CFAP299: variants seen among roughly 807,000 people sequenced by gnomAD.
CFAP299 encodes the protein cilia- and flagella-associated protein 299.
A neutral mutation model predicts 27.0 loss-of-function variants in CFAP299; 21 were observed. The observed-to-expected ratio is 0.78, with a 90% confidence interval of 0.55 to 1.12. The LOEUF (loss-of-function observed/expected upper bound fraction) is 1.12. CFAP299 is among the 50% of genes most tolerant of loss of function. The pLI is 0.00. For synonymous variants in CFAP299, 104 were observed against 98.1 expected (o/e 1.06, Z -0.36); for missense variants, 310 against 276.6 (o/e 1.12, Z -0.86).
intron 2 of CFAP299, among the ~76,000 whole-genome samples, chr4:80,501,408 AT>A (rs1424466530): frequency 6.8e-6 from 1 of 148,124 alleles, no homozygotes; most frequent in East Asian, 1.9e-4. Context: ...TAAATATGTA[AT>A]TTCATATAAC....
At chr4:80,411,031 GTAT>G (rs2110060750) in intron 2 of CFAP299, among the ~76,000 whole-genome samples, 1 of 152,242 alleles carries the variant, frequency 6.6e-6, no homozygotes, top group South Asian at 2.1e-4. Flanking sequence ...ATTCGGTAAT[GTAT>G]TATACGTGTC....
At chr4:80,856,183 T>C (rs1321065070) in intron 3 of CFAP299, among the ~76,000 whole-genome samples, 1 of 151,626 alleles carries the variant, frequency 6.6e-6, no homozygotes, top group African/African-American at 2.4e-5. Context: ...TTTCATGTGT[T>C]TTTTGCCTGC....
rs78708681 is a variant in CFAP299, at chr4:80,852,313, T to C, written c.334-17680T>C. ...GACATCATCCCAGACCTACTGAATC[T>C]GAAACTCTGGGGATGGGACTCAGCA... On this transcript the variant is annotated intron_variant, in intron 3 of 5. Transcript: ENST00000358105. Among the ~76,000 whole-genome samples the C allele has an allele frequency of 6.0e-3, 913 of 152,188 alleles. 7 individuals carry two copies. The highest frequency in any genetic ancestry group is 0.021 in the African/African-American group (860 of 41,546).
At chr4:80,333,105 C>T (rs958537715), upstream of CFAP299, among the ~76,000 whole-genome samples, 1 of 152,156 alleles carries the variant, frequency 6.6e-6, no homozygotes, top group Non-Finnish European at 1.5e-5. Context: ...ATTTTCCTTT[C>T]ACACTGTCAA....
At chr4:80,430,003 G>T (rs1032310193) in intron 2 of CFAP299, among the ~76,000 whole-genome samples, 2 of 151,814 alleles carry the variant, frequency 1.3e-5, no homozygotes, top group Non-Finnish European at 2.9e-5. Flanking sequence ...TTTCCAATTG[G>T]TGCTATCTAG....
chr4:80,671,049 C>T (rs561394059), intron 3 of CFAP299, among the ~76,000 whole-genome samples: 1 of 152,290 alleles, frequency 6.6e-6, no homozygotes, highest in African/African-American at 2.4e-5. Context: ...GTGTTTTAGT[C>T]ATGAAGTCCT....
At chr4:80,785,140 GTTT>G (rs34318898) in intron 3 of CFAP299, among the ~76,000 whole-genome samples, 1 of 133,820 alleles carries the variant, frequency 7.5e-6, no homozygotes, top group African/African-American at 2.7e-5. Context: ...CTTCCTCTAT[GTTT>G]TTTTTTTTTT....
intron 3 of CFAP299, among the ~76,000 whole-genome samples, chr4:80,660,419 G>A (rs1307562457): frequency 1.3e-5 from 2 of 152,164 alleles, no homozygotes; most frequent in Non-Finnish European, 2.9e-5. Context: ...AAAATAAAAT[G>A]TGAAGTAGGT....
chr4:80,956,932 T>G (rs1738100847), intron 5 of CFAP299, among the ~76,000 whole-genome samples: 2 of 152,160 alleles, frequency 1.3e-5, no homozygotes, highest in African/African-American at 4.8e-5. Flanking sequence ...CATGCAAAAT[T>G]TTTAAATTTT....
At chr4:80,872,915 CTTCTTCT>C (rs975725600) in intron 4 of CFAP299, 1 of 925,268 alleles carries the variant, frequency 1.1e-6, no homozygotes, top group African/African-American at 2.0e-5. Flanking sequence ...GTGTGTAGTT[CTTCTTCT>C]TTTTTTTTTT....
chr4:80,945,074 G>C (rs749063568), intron 5 of CFAP299, 135 bp downstream of exon 5: 1 of 797,114 alleles, frequency 1.3e-6, no homozygotes, highest in South Asian at 1.6e-5. Flanking sequence ...TTGAAACTTA[G>C]AGCATGTACT....
chr4:80,662,315 T>A (rs958077255), intron 3 of CFAP299, among the ~76,000 whole-genome samples: 1 of 151,888 alleles, frequency 6.6e-6, no homozygotes, highest in Admixed American at 6.6e-5. Context: ...TTAAAATTTC[T>A]CTCTTTTGTA....
At chr4:80,926,986 C>A (rs1736341142) in intron 4 of CFAP299, among the ~76,000 whole-genome samples, 1 of 152,208 alleles carries the variant, frequency 6.6e-6, no homozygotes, top group East Asian at 1.9e-4. Flanking sequence ...CAGGCTGCAA[C>A]AAATAACTGC....
At chr4:80,799,331 T>C (rs1414019837) in intron 3 of CFAP299, among the ~76,000 whole-genome samples, 49 of 96,496 alleles carry the variant, frequency 5.1e-4, no homozygotes, top group South Asian at 6.1e-4. Flanking sequence ...TATATTTATA[T>C]AATATTTATA....
At chr4:80,870,827 C>G (rs1578202011) in intron 4 of CFAP299, 2 of 984,928 alleles carry the variant, frequency 2.0e-6, no homozygotes, top group African/African-American at 1.7e-5. Flanking sequence ...TATAACAATA[C>G]CTACCTCCTC....
chr4:80,588,298 A>G (rs1872576), intron 3 of CFAP299, among the ~76,000 whole-genome samples: 96,392 of 150,432 alleles, frequency 0.64, 34,553 homozygotes, highest in Non-Finnish European at 0.78. Context: ...GGAGCTGGGT[A>G]CATCTGCCTG....
intron 3 of CFAP299, among the ~76,000 whole-genome samples, chr4:80,833,808 T>A (rs184819936): frequency 9.8e-5 from 15 of 152,308 alleles, no homozygotes; most frequent in Non-Finnish European, 1.3e-4. Flanking sequence ...GAAATGGTGG[T>A]GGATCTCTTT....
chr4:80,954,931 C>T (rs1021382680), intron 5 of CFAP299, among the ~76,000 whole-genome samples: 6 of 130,396 alleles, frequency 4.6e-5, no homozygotes, highest in Non-Finnish European at 6.2e-5. Flanking sequence ...ACCCAGGAGA[C>T]GGAGCTTGCA....
rs185078076 is a variant in CFAP299, at chr4:80,945,310, G to C, written c.606+371G>C. On this transcript the variant is annotated intron_variant, in intron 5 of 5. Transcript: ENST00000358105. ...GCGTCATTCAGAGAAGGGAGATTCTGAACTTACATTTGTACCCAGAATTCT... is the reference window on the plus strand; with the variant it reads ...GCGTCATTCAGAGAAGGGAGATTCTCAACTTACATTTGTACCCAGAATTCT... Among the ~76,000 whole-genome samples the C allele has an allele frequency of 4.0e-3, 615 of 152,248 alleles. 1 individual carries two copies. The highest frequency in any genetic ancestry group is 0.014 in the Middle Eastern group (4 of 294).
Sources: gnomAD v4.1 joint callset for allele counts (sites outside exome capture counted in the v4.1 genomes callset) on GRCh38, gnomAD v4.1.1 for gene constraint, MANE v1.5 for transcripts, NCBI Gene and HGNC (gene_info 2026-07-23, HGNC 2026-07-21) for gene names.